Variants in VWA8 observed in about 807,000 individuals in gnomAD.
The protein encoded by VWA8 is von Willebrand factor A domain containing 8.
VWA8 carries 221 observed loss-of-function variants against 241.5 expected under a neutral mutation model. The ratio of observed to expected loss-of-function variants is 0.91; its 90% CI spans 0.82 to 1.02. VWA8 has a LOEUF of 1.02. Among genes scored for constraint, VWA8 ranks in the 50% least tolerant of loss-of-function variants. The pLI is 0.00. For missense variants in VWA8, 2,322 were observed against 2,328.7 expected (o/e 1.00, Z 0.06); for synonymous variants, 852 against 827.1 (o/e 1.03, Z -0.52).
At chr13:41,637,303 C>T (rs12857439) in intron 37 of VWA8, among the ~76,000 whole-genome samples, 9,086 of 149,188 alleles carry the variant, frequency 0.061, 495 homozygotes, top group African/African-American at 0.16. Context: ...CTCAGCAAAC[C>T]ATCGCAAGGA....
intron 1 of VWA8, chr13:41,955,779 C>T (rs1300405009): frequency 2.6e-5 from 4 of 152,156 alleles, no homozygotes; most frequent in Non-Finnish European, 5.9e-5. Context: ...GAAACCGGAA[C>T]TTAGGAGTAT....
intron 26 of VWA8, among the ~76,000 whole-genome samples, chr13:41,706,261 C>T (rs2045281889): frequency 6.6e-6 from 1 of 152,204 alleles, no homozygotes; most frequent in East Asian, 1.9e-4. Context: ...TGTTGTCTGG[C>T]TCTATATAAA....
At chr13:41,825,163 C>T (rs975693958) in intron 14 of VWA8, among the ~76,000 whole-genome samples, 6 of 152,180 alleles carry the variant, frequency 3.9e-5, no homozygotes, top group African/African-American at 1.4e-4. Flanking sequence ...ATGTGTGGTA[C>T]ACCACAGATG....
intron 1 of VWA8, among the ~76,000 whole-genome samples, chr13:41,959,014 G>A (rs1301297756): frequency 1.3e-5 from 2 of 152,128 alleles, no homozygotes; most frequent in Non-Finnish European, 2.9e-5. Flanking sequence ...AAAAGTTCAA[G>A]TCAATTCACT....
At chr13:41,570,118 A>G (rs535186692) in intron 44 of VWA8, among the ~76,000 whole-genome samples, 2 of 152,328 alleles carry the variant, frequency 1.3e-5, no homozygotes, top group Non-Finnish European at 2.9e-5. Flanking sequence ...GATTTTTAAT[A>G]TGATTTGAAC....
intron 16 of VWA8, among the ~76,000 whole-genome samples, chr13:41,812,268 G>C (rs1870505374): frequency 6.6e-6 from 1 of 152,108 alleles, no homozygotes; most frequent in Non-Finnish European, 1.5e-5. Context: ...GCAGAGAAAG[G>C]TGATGGGACC....
chr13:41,811,198 AC>A, intron 17 of VWA8, 26 bp downstream of exon 17: 1 of 1,566,234 alleles, frequency 6.4e-7, no homozygotes, highest in Non-Finnish European at 8.8e-7. Context: ...CCAGAAACTT[AC>A]ACGCAGTGAG....
rs934600587 is a variant in VWA8 at position 41,567,083 on chromosome 13, A to C, written c.*1114T>G. ...GATTTTGCTATCAATCGTGAAGAGG[A>C]GTTTTTAAATTATATGGTTAAAGAG... is the stretch of plus-strand genomic sequence containing the variant. On this transcript the variant is annotated 3_prime_UTR_variant, in exon 45 of 45. Transcript: ENST00000379310. 3.9e-5 allele frequency: 6 copies of C among 152,168 alleles called. No individual in the cohort carries two copies. Among genetic ancestry groups the C allele is most frequent in the African/African-American group, 1.4e-4 (6 of 41,428 alleles). 9.4% of individuals were successfully genotyped at this position (152,168 alleles called of 1,614,324 possible).
rs1026766578 is a variant in VWA8 at position 41,581,006 on chromosome 13, T to G, written c.5272-5168A>C. Among the ~76,000 whole-genome samples, 5 of 74,526 alleles carry G rather than the reference T, an allele frequency of 6.7e-5. 1 individual carries two copies. Among genetic ancestry groups the G allele is most frequent in the African/African-American group, 1.3e-4 (1 of 7,452 alleles). The allele number at this position is 74,526 out of a possible 152,430, so 48.9% of individuals were successfully genotyped here. On this transcript the variant is annotated intron_variant, in intron 42 of 44. Transcript: ENST00000379310. ...TTTTATTTTATTTTATTTTATTTTA[T>G]TTTATTTTTTTTTGAGACGGAGTCT...
At chr13:41,927,411 G>T in intron 2 of VWA8, 1 of 449,162 alleles carries the variant, frequency 2.2e-6, no homozygotes, top group East Asian at 6.1e-5. Context: ...AAAGATCAAG[G>T]TCTGCAAGGG....
intron 2 of VWA8, among the ~76,000 whole-genome samples, chr13:41,916,332 C>A (rs982239566): frequency 1.6e-4 from 24 of 152,180 alleles, no homozygotes; most frequent in South Asian, 4.1e-4. Context: ...GTATTTCAGT[C>A]ATTATGTTCT....
At chr13:41,747,499 C>T (rs1407389386) in intron 21 of VWA8, among the ~76,000 whole-genome samples, 2 of 152,156 alleles carry the variant, frequency 1.3e-5, no homozygotes, top group Non-Finnish European at 1.5e-5. Context: ...AGATTTTGGG[C>T]TGAGACAATG....
intron 40 of VWA8, 32 bp downstream of exon 40, chr13:41,605,136 G>T (rs1312118972): frequency 6.2e-7 from 1 of 1,603,362 alleles, no homozygotes; most frequent in Non-Finnish European, 8.5e-7. Flanking sequence ...TTGGGCCCAG[G>T]TTATTTTCTT....
chr13:41,601,155 C>T (rs1434813458), intron 40 of VWA8, among the ~76,000 whole-genome samples: 1 of 152,098 alleles, frequency 6.6e-6, no homozygotes, highest in African/African-American at 2.4e-5. Flanking sequence ...CTCATGTACC[C>T]TTACCTTCAA....
chr13:41,760,912 T>C (rs1249584923), intron 21 of VWA8, among the ~76,000 whole-genome samples: 2 of 152,072 alleles, frequency 1.3e-5, no homozygotes, highest in Non-Finnish European at 1.5e-5. Flanking sequence ...GTCCACAGAA[T>C]ATCTATTAAT....
chr13:41,864,555 T>C, intron 12 of VWA8: 1 of 415,790 alleles, frequency 2.4e-6, no homozygotes, highest in South Asian at 1.8e-5. Flanking sequence ...GAAAACATTA[T>C]GGTAAGTAAA....
intron 4 of VWA8, among the ~76,000 whole-genome samples, chr13:41,901,923 T>C (rs531086605): frequency 5.2e-4 from 65 of 124,376 alleles, no homozygotes; most frequent in African/African-American, 1.9e-3. Flanking sequence ...TACACACACA[T>C]ATATATTTGC....
chr13:41,679,514 G>T (rs771487097), intron 35 of VWA8, among the ~76,000 whole-genome samples: 2 of 152,082 alleles, frequency 1.3e-5, no homozygotes, highest in Non-Finnish European at 2.9e-5. Flanking sequence ...TTTCAATCAA[G>T]AATCATTATT....
chr13:41,734,605 C>G (rs1487485387), intron 21 of VWA8, among the ~76,000 whole-genome samples: 1 of 152,164 alleles, frequency 6.6e-6, no homozygotes, highest in Admixed American at 6.5e-5. Flanking sequence ...TTGCCTCCAA[C>G]TTGGAAAGCT....
Sources: allele counts gnomAD v4.1 joint callset (sites outside exome capture counted in the v4.1 genomes callset), GRCh38; gene constraint gnomAD v4.1.1; transcripts MANE v1.5; gene names NCBI Gene and HGNC (gene_info 2026-07-23, HGNC 2026-07-21).